The following LRP1B variants were observed in gnomAD, a reference collection of about 807,000 sequenced individuals.
LRP1B encodes LDL receptor related protein 1B.
A neutral mutation model predicts 556.6 loss-of-function variants in LRP1B; 217 were observed. That is an observed-to-expected ratio of 0.39 (90% CI 0.35 to 0.44). The LOEUF is 0.44. LRP1B is among the 20% of genes least tolerant of loss of function. The pLI, the probability that LRP1B is intolerant of heterozygous loss-of-function variation, is 1.00. For missense variants in LRP1B, 5,053 were observed against 5,620.8 expected (o/e 0.90, Z 3.23); for synonymous variants, 2,047 against 1,865.8 (o/e 1.10, Z -2.50).
chr2:140,318,710 CGATTA>C (rs1684641404), intron 82 of LRP1B, among the ~76,000 whole-genome samples: 1 of 151,898 alleles, frequency 6.6e-6, no homozygotes, highest in Non-Finnish European at 1.5e-5. Context: ...TATTGTGTGA[CGATTA>C]ACAGAGTGGA....
chr2:141,738,374 C>G (rs1232826890), intron 2 of LRP1B, among the ~76,000 whole-genome samples: 2 of 152,104 alleles, frequency 1.3e-5, no homozygotes, highest in Non-Finnish European at 2.9e-5. Context: ...CACACACATA[C>G]ACAATGCAGT....
chr2:140,860,667 AT>A (rs201202162), intron 27 of LRP1B, among the ~76,000 whole-genome samples: 3,149 of 147,870 alleles, frequency 0.021, 77 homozygotes, highest in African/African-American at 0.062. Flanking sequence ...TTCTTGAAAG[AT>A]TTTTTTTTTT....
In LRP1B at chr2:140,716,056, T is replaced by G. The variant is rs1173924266; in HGVS notation, c.5940A>C (p.Ala1980=). ...TDHGFNLIEV[A]RLNGSFRYVI... ...CATAACGGAAAGAACCATTGAGTCT[T>G]GCAACTTCAATTAAGTTGAAACCAT... The change falls in exon 37 of 91, where the codon GCA becomes GCC. Residue 1980 remains alanine, a synonymous_variant. Transcript: ENST00000389484. 1 of 1,608,568 alleles carries G rather than the reference T, an allele frequency of 6.2e-7. No homozygotes were observed. Among genetic ancestry groups the G allele is most frequent in the East Asian group, 2.2e-5 (1 of 44,716 alleles).
At chr2:141,340,899 A>C (rs1448610973) in intron 3 of LRP1B, among the ~76,000 whole-genome samples, 1 of 152,210 alleles carries the variant, frequency 6.6e-6, no homozygotes, top group Non-Finnish European at 1.5e-5. Context: ...CTGAAGAAAC[A>C]TTTCAAACTC....
intron 63 of LRP1B, among the ~76,000 whole-genome samples, chr2:140,447,984 C>T (rs892291222): frequency 6.6e-6 from 1 of 151,986 alleles, no homozygotes; most frequent in Admixed American, 6.6e-5. Flanking sequence ...TATGGATATG[C>T]TCTGTGGTGT....
At position 140,321,983 on chromosome 2, in the gene LRP1B, C is replaced by T. The variant is rs1680163570; in HGVS notation, c.12620G>A (p.Cys4207Tyr). The T allele has an allele frequency of 6.2e-7, 1 of 1,612,918 alleles. No homozygotes were observed. Among genetic ancestry groups the T allele is most frequent in the Non-Finnish European group, 8.5e-7 (1 of 1,179,286 alleles). ...CCCACCTAACAGGCTGTCATCATTGCAGGTGCCATTAATCAAATATTTTCC... is the reference window on the plus strand; with the variant it reads ...CCCACCTAACAGGCTGTCATCATTGTAGGTGCCATTAATCAAATATTTTCC... ...PEGKYLINGT[C>Y]NDDSLLDDSC... Residue 4207 changes from cysteine (C) to tyrosine (Y), a missense_variant, in exon 82 of 91, where the codon TGC (cysteine) becomes TAC (tyrosine). Cys to Tyr is a radical substitution (Grantham distance 194). This residue lies in a region of LRP1B where 551 missense variants were observed against 592.0 expected (regional missense o/e 0.93). Transcript: ENST00000389484.
At chr2:140,428,478 G>T (rs577279471) in intron 66 of LRP1B, among the ~76,000 whole-genome samples, 1 of 152,140 alleles carries the variant, frequency 6.6e-6, no homozygotes, top group South Asian at 2.1e-4. Flanking sequence ...CTCCTAAGCC[G>T]CTTCCCATCT....
intron 2 of LRP1B, among the ~76,000 whole-genome samples, chr2:141,645,867 GC>G (rs964154604): frequency 3.3e-4 from 50 of 151,940 alleles, no homozygotes; most frequent in African/African-American, 1.2e-3. Context: ...ATAACTACAA[GC>G]CAGCTTTTTA....
chr2:141,217,661 C>G (rs1196578217), intron 6 of LRP1B, among the ~76,000 whole-genome samples: 1 of 152,150 alleles, frequency 6.6e-6, no homozygotes, highest in Non-Finnish European at 1.5e-5. Context: ...AAATACTTTT[C>G]TGAACATTGA....
In LRP1B at chr2:142,128,087, A is replaced by G. The variant is rs573840305; in HGVS notation, c.82+2561T>C. Among the ~76,000 whole-genome samples, 8 of 152,240 alleles carry G rather than the reference A, an allele frequency of 5.3e-5. No individual in the cohort carries two copies. The South Asian group carries it at 1.7e-3, about 32-fold the overall frequency. ...TTTAGCTCTATATAGAATCAATATA[A>G]ACTAATAAAATAAACAATAAGGAAT... On this transcript the variant is annotated intron_variant, in intron 1 of 90. Coordinates refer to ENST00000389484, the MANE Select transcript of LRP1B (RefSeq NM_018557.3).
intron 86 of LRP1B, among the ~76,000 whole-genome samples, chr2:140,260,586 C>CA (rs1681891152): frequency 6.6e-6 from 1 of 151,618 alleles, no homozygotes; most frequent in Admixed American, 6.6e-5. Context: ...ATATATATTA[C>CA]ATTAGCCACA....
At chr2:140,942,178 A>G (rs1327375772) in intron 20 of LRP1B, among the ~76,000 whole-genome samples, 1 of 152,148 alleles carries the variant, frequency 6.6e-6, no homozygotes, top group Non-Finnish European at 1.5e-5. Context: ...CTAGACCAAG[A>G]AGAGGAAAGA....
At chr2:141,154,168 A>C (rs1702009828) in intron 7 of LRP1B, among the ~76,000 whole-genome samples, 1 of 151,886 alleles carries the variant, frequency 6.6e-6, no homozygotes, top group South Asian at 2.1e-4. Flanking sequence ...AAAAGACTAT[A>C]GTTTAAAGAA....
At chr2:140,284,448 A>G (rs1384613058) in intron 84 of LRP1B, among the ~76,000 whole-genome samples, 2 of 151,674 alleles carry the variant, frequency 1.3e-5, no homozygotes, top group African/African-American at 4.8e-5. Context: ...TGAGAGCATC[A>G]TGAGGAAAGT....
At chr2:141,765,513 A>G (rs1370335) in intron 2 of LRP1B, among the ~76,000 whole-genome samples, 146,586 of 152,186 alleles carry the variant, frequency 0.96, 70,855 homozygotes, top group East Asian at 1. Flanking sequence ...GCTGACAGCA[A>G]GTAGTAGCAA....
intron 11 of LRP1B, among the ~76,000 whole-genome samples, chr2:141,041,372 G>A (rs1332684999): frequency 6.6e-6 from 1 of 152,060 alleles, no homozygotes; most frequent in African/African-American, 2.4e-5. Flanking sequence ...TAAAGTCTAG[G>A]TGCAAGCAGA....
chr2:141,162,987 C>A (rs1026085865), intron 7 of LRP1B, among the ~76,000 whole-genome samples: 1 of 152,052 alleles, frequency 6.6e-6, no homozygotes, highest in African/African-American at 2.4e-5. Context: ...CACTTCTCAA[C>A]CAATGGAGGA....
Position 140,994,389 on chromosome 2 carries a change from A to ATGTGTGTGTGTGTG in LRP1B, c.2504-268_2504-255dup, listed in dbSNP as rs3061707. Among the ~76,000 whole-genome samples the ATGTGTGTGTGTGTG allele has an allele frequency of 3.9e-4, 58 of 147,176 alleles. 2 individuals are homozygous for ATGTGTGTGTGTGTG. The highest frequency in any genetic ancestry group is 1.4e-3 in the East Asian group (7 of 4,882). On this transcript the variant is annotated intron_variant, in intron 15 of 90. Coordinates refer to ENST00000389484, the MANE Select transcript of LRP1B (RefSeq NM_018557.3). ...TATATATGTAGGTTGGTAGGTAAGG[A>ATGTGTGTGTGTGTG]TGTGTGTGTGTGTGTGTGTGTGTGT...
At chr2:140,729,007 T>C (rs751334776) in intron 35 of LRP1B, among the ~76,000 whole-genome samples, 4 of 152,042 alleles carry the variant, frequency 2.6e-5, no homozygotes, top group African/African-American at 4.8e-5. Context: ...ATGTAGATAC[T>C]AATAAATTTA....
Sources: allele counts gnomAD v4.1 joint callset (sites outside exome capture counted in the v4.1 genomes callset), GRCh38; gene constraint gnomAD v4.1.1; regional missense constraint gnomAD v4.1.1; transcripts MANE v1.5; gene names NCBI Gene and HGNC (gene_info 2026-07-23, HGNC 2026-07-21).